Variants in CA5B observed in about 807,000 individuals in gnomAD.
CA5B encodes the protein carbonic anhydrase 5B, mitochondrial.
A neutral mutation model predicts 23.1 loss-of-function variants in CA5B; 15 were observed. The ratio of observed to expected loss-of-function variants is 0.65; its 90% confidence interval spans 0.43 to 1.00. CA5B has a LOEUF of 1.00. CA5B is among the 50% of genes least tolerant of loss of function. CA5B has a pLI of 0.00. For synonymous variants in CA5B, 84 were observed against 98.5 expected (o/e 0.85, Z 0.87); for missense variants, 236 against 252.2 (o/e 0.94, Z 0.43).
In CA5B at chrX:15,783,378, T is replaced by G. The variant is rs770551696; in HGVS notation, c.*714T>G. ...CTATCAGTTTATGATGTAGAAAATA[T>G]ATTTTGTAATTATAAGAAAACAAGA... On this transcript the variant is annotated 3_prime_UTR_variant, in exon 8 of 8. Coordinates refer to ENST00000318636, the MANE Select transcript of CA5B (RefSeq NM_007220.4). 1 of 112,678 alleles carries G rather than the reference T, an allele frequency of 8.9e-6. No homozygotes were observed. The highest frequency in any genetic ancestry group is 9.4e-5 in the Admixed American group (1 of 10,591). 9.3% of individuals were successfully genotyped at this position (112,678 alleles called of 1,213,427 possible).
intron 1 of CA5B, among the ~76,000 whole-genome samples, chrX:15,744,341 C>T (rs1057333659): frequency 7.1e-5 from 8 of 112,715 alleles, no homozygotes; most frequent in African/African-American, 2.6e-4. Flanking sequence ...GACCCACCCC[C>T]GACCAACAGC....
chrX:15,755,538 G>A (rs1391383820), intron 2 of CA5B, among the ~76,000 whole-genome samples: 1 of 112,675 alleles, frequency 8.9e-6, no homozygotes, highest in Non-Finnish European at 1.9e-5. Flanking sequence ...AAAAAGGGCA[G>A]TGCATAGCAA....
intron 2 of CA5B, 74 bp downstream of exon 2, chrX:15,750,239 G>GA (rs1931329707): frequency 6.0e-6 from 5 of 826,836 alleles, no homozygotes; most frequent in South Asian, 2.5e-5. Context: ...TCATCTCTTA[G>GA]AAAAAAAGAG....
Position 15,785,102 on chromosome X carries a change from T to C in CA5B, c.*2438T>C, listed in dbSNP as rs1309245183. ...AACCCTTGTGCACTGTTGGTGGTAA[T>C]GTAAAACGGTGCAGTCATTACGGAA... is the stretch of plus-strand genomic sequence containing the variant. On this transcript the variant is annotated 3_prime_UTR_variant, in exon 8 of 8. Coordinates refer to ENST00000318636, the MANE Select transcript of CA5B (RefSeq NM_007220.4). 8.9e-6 allele frequency: 1 copy of C among 112,117 alleles called. No homozygotes were observed. Among genetic ancestry groups the C allele is most frequent in the East Asian group, 2.8e-4 (1 of 3,596 alleles). 9.2% of individuals were successfully genotyped at this position (112,117 alleles called of 1,213,427 possible).
chrX:15,743,445 G>T (rs970302253), intron 1 of CA5B, among the ~76,000 whole-genome samples: 1 of 112,187 alleles, frequency 8.9e-6, no homozygotes, highest in African/African-American at 3.2e-5. Flanking sequence ...AGCTCCATAA[G>T]GGTAAGGGCT....
In CA5B at chrX:15,783,568, G is replaced by C. The variant is rs1251995175; in HGVS notation, c.*904G>C. On this transcript the variant is annotated 3_prime_UTR_variant, in exon 8 of 8. Coordinates refer to ENST00000318636, the MANE Select transcript of CA5B (RefSeq NM_007220.4). ...GCACTTTGGGAGGCTGAGGCGGGTA[G>C]CTCACTTGAGGTCAGGAGTTTGAGA... is the stretch of plus-strand genomic sequence containing the variant. The C allele has an allele frequency of 9.1e-6, 1 of 110,261 alleles. No individual in the cohort carries two copies. Among genetic ancestry groups the C allele is most frequent in the Non-Finnish European group, 1.9e-5 (1 of 52,815 alleles). 9.1% of individuals were successfully genotyped at this position (110,261 alleles called of 1,213,427 possible).
intron 6 of CA5B, 146 bp downstream of exon 6, chrX:15,775,454 A>G: frequency 1.6e-5 from 16 of 996,042 alleles, no homozygotes; most frequent in Non-Finnish European, 2.0e-5. Context: ...TTATGATTCC[A>G]GGGGACAGAA....
At chrX:15,780,639 T>C (rs1601796104) in intron 7 of CA5B, among the ~76,000 whole-genome samples, 1 of 112,549 alleles carries the variant, frequency 8.9e-6, no homozygotes, top group East Asian at 2.8e-4. Context: ...CTAGTTCATT[T>C]CATAGATCAG....
Position 15,742,787 on chromosome X carries a change from C to A in CA5B, c.-54+4435C>A, listed in dbSNP as rs1460751789. On this transcript the variant is annotated intron_variant, in intron 1 of 7. Coordinates refer to ENST00000318636, the MANE Select transcript of CA5B (RefSeq NM_007220.4). The stretch of plus-strand genomic sequence containing the variant: ...TTTTACTTAGAGCAGTGATTTTCAA[C>A]CTGTGGTAACCCTATTCCCCTCCCG... Among the ~76,000 whole-genome samples, 3 of 112,629 alleles carry A rather than the reference C, an allele frequency of 2.7e-5. 1 individual carries two copies. The highest frequency in any genetic ancestry group is 5.6e-5 in the Non-Finnish European group (3 of 53,338).
chrX:15,776,693 G>T, intron 6 of CA5B, 21 bp from the exon 7 acceptor site: 1 of 1,191,744 alleles, frequency 8.4e-7, no homozygotes, highest in Non-Finnish European at 1.1e-6. Flanking sequence ...TAATGACTCG[G>T]TTATCTCTTC....
At chrX:15,738,576 A>T (rs952867114) in intron 1 of CA5B, among the ~76,000 whole-genome samples, 3 of 110,812 alleles carry the variant, frequency 2.7e-5, no homozygotes, top group Non-Finnish European at 5.7e-5. Flanking sequence ...TTCCTCCACT[A>T]TGGGAGTTAC....
At chrX:15,741,519 G>A (rs1218697366) in intron 1 of CA5B, among the ~76,000 whole-genome samples, 4 of 107,496 alleles carry the variant, frequency 3.7e-5, no homozygotes, top group East Asian at 3.0e-4. Flanking sequence ...TTGCTGTGTC[G>A]CCCAGGCTGG....
chrX:15,764,442 G>A, intron 2 of CA5B, 136 bp from the exon 3 acceptor site: 1 of 990,154 alleles, frequency 1.0e-6, no homozygotes, highest in South Asian at 2.4e-5. Flanking sequence ...GTTTCGCCGT[G>A]TTTCCTAGGC....
chrX:15,758,868 C>T (rs1931546005), intron 2 of CA5B, among the ~76,000 whole-genome samples: 1 of 111,817 alleles, frequency 8.9e-6, no homozygotes, highest in African/African-American at 3.3e-5. Flanking sequence ...TGATGCTCCT[C>T]ATCTTATTCC....
At chrX:15,758,839 A>G (rs1931545462) in intron 2 of CA5B, among the ~76,000 whole-genome samples, 1 of 111,883 alleles carries the variant, frequency 8.9e-6, no homozygotes, top group Non-Finnish European at 1.9e-5. Context: ...CATTCACACC[A>G]TAGCACAAAT....
chrX:15,763,774 A>G (rs1395488467), intron 2 of CA5B, among the ~76,000 whole-genome samples: 3 of 112,212 alleles, frequency 2.7e-5, no homozygotes, highest in Admixed American at 9.5e-5. Context: ...AGTATGGGAC[A>G]GTCCAAGACA....
intron 2 of CA5B, among the ~76,000 whole-genome samples, chrX:15,751,454 A>T (rs756855113): frequency 8.9e-5 from 10 of 111,974 alleles, no homozygotes; most frequent in Non-Finnish European, 1.9e-4. Flanking sequence ...TCCTACAAAC[A>T]TGCCACATCC....
At position 15,749,196 on chromosome X, in the gene CA5B, T is replaced by C. The variant is rs562181217; in HGVS notation, c.-53-775T>C. On this transcript the variant is annotated intron_variant, in intron 1 of 7. Coordinates refer to ENST00000318636, the MANE Select transcript of CA5B (RefSeq NM_007220.4). Reference sequence around the variant, plus strand: ...TTTCAGAATGGAATAGGGATAGTTTTCAGGGAAAATGGATGAAGCAGTATT... The same window carrying C: ...TTTCAGAATGGAATAGGGATAGTTTCCAGGGAAAATGGATGAAGCAGTATT... 5.4e-5 allele frequency among the ~76,000 whole-genome samples: 6 copies of C among 112,065 alleles called. No individual in the cohort carries two copies. The South Asian group carries it at 2.2e-3, about 42-fold the overall frequency.
chrX:15,766,049 C>T (rs1931701412), intron 3 of CA5B, among the ~76,000 whole-genome samples: 1 of 104,118 alleles, frequency 9.6e-6, no homozygotes, highest in Non-Finnish European at 1.9e-5. Flanking sequence ...CCCAGCTACT[C>T]GGGAGGCTGA....
Sources: allele counts gnomAD v4.1 joint callset (sites outside exome capture counted in the v4.1 genomes callset), GRCh38; gene constraint gnomAD v4.1.1; transcripts MANE v1.5; gene names NCBI Gene and HGNC (gene_info 2026-07-23, HGNC 2026-07-21).